Variants in TAF9B observed in about 807,000 individuals in gnomAD.
TAF9B encodes the protein transcription initiation factor TFIID subunit 9B.
In TAF9B, 47 loss-of-function variants were observed where a neutral mutation model predicts 17.6. The ratio of observed to expected loss-of-function variants is 2.68; its 90% CI spans 2.12 to 3.41. The LOEUF (loss-of-function observed/expected upper bound fraction) is 3.41, where lower values mean the gene tolerates loss of function less well. Among genes scored for constraint, TAF9B ranks in the 30% most tolerant of loss-of-function variants. The pLI, the probability that TAF9B is intolerant of heterozygous loss-of-function variation, is 0.00. For missense variants in TAF9B, 218 were observed against 189.3 expected (o/e 1.15, Z -0.89); for synonymous variants, 84 against 68.7 (o/e 1.22, Z -1.10).
intron 5 of TAF9B, among the ~76,000 whole-genome samples, chrX:78,134,918 T>C (rs1603399795): frequency 9.1e-6 from 1 of 109,387 alleles, no homozygotes; most frequent in South Asian, 3.9e-4. Flanking sequence ...TTGAACAGAG[T>C]AAATACTCAG....
rs1603399484 is a variant in TAF9B, at chrX:78,131,898, G to A, written c.593-125C>T. The A allele has an allele frequency of 7.2e-6, 4 of 559,354 alleles. No individual in the cohort carries two copies. In the South Asian group the frequency reaches 1.3e-4, roughly 18 times the overall value. The allele number at this position is 559,354 out of a possible 1,213,427, so 46.1% of individuals were successfully genotyped here. A position where few individuals can be genotyped will look rare whatever the true frequency, so the allele number is the denominator to read the frequency against. ...AATACCAATTTCAATAGCATGAAGTGCAACTATATCATAGAAGAAACATAG... is the reference window on the plus strand; with the variant it reads ...AATACCAATTTCAATAGCATGAAGTACAACTATATCATAGAAGAAACATAG... On this transcript the variant is annotated intron_variant, in intron 6 of 6. Coordinates refer to ENST00000341864, the MANE Select transcript of TAF9B (RefSeq NM_015975.5).
chrX:78,136,253 C>G (rs1384972888), intron 5 of TAF9B, among the ~76,000 whole-genome samples: 1 of 111,628 alleles, frequency 9.0e-6, no homozygotes, highest in Non-Finnish European at 1.9e-5. Context: ...TTTCTAAATA[C>G]CATTCTCCAC....
At chrX:78,136,596 T>A (rs920478744) in intron 5 of TAF9B, among the ~76,000 whole-genome samples, 1 of 112,312 alleles carries the variant, frequency 8.9e-6, no homozygotes, top group South Asian at 3.7e-4. Context: ...CTGCCATAAG[T>A]GTGTGTGGCA....
chrX:78,133,626 C>A (rs928335632), intron 5 of TAF9B, among the ~76,000 whole-genome samples, 178 bp from the exon 6 acceptor site: 1 of 111,812 alleles, frequency 8.9e-6, no homozygotes, highest in African/African-American at 3.3e-5. Flanking sequence ...TTAGATGTTA[C>A]AAAATTCAGT....
intron 1 of TAF9B, 99 bp downstream of exon 1, chrX:78,139,462 G>C (rs1347794630): frequency 8.9e-7 from 1 of 1,127,405 alleles, no homozygotes; most frequent in Admixed American, 2.3e-5. Context: ...AGACTGAAAC[G>C]AGCGTGCGAG....
At chrX:78,133,306 C>T (rs1557249711) in intron 6 of TAF9B, 32 bp downstream of exon 6, 7 of 1,112,765 alleles carry the variant, frequency 6.3e-6, no homozygotes, top group Middle Eastern at 4.9e-4. Flanking sequence ...AAATTATTCA[C>T]AAATTCTGTC....
intron 6 of TAF9B, among the ~76,000 whole-genome samples, chrX:78,132,457 TAAAC>T (rs782263641): frequency 7.1e-5 from 8 of 112,011 alleles, no homozygotes; most frequent in African/African-American, 9.7e-5. Flanking sequence ...TGCAACATAT[TAAAC>T]AAAGGCCTAT....
At chrX:78,134,955 A>AT (rs569869340) in intron 5 of TAF9B, among the ~76,000 whole-genome samples, 24,255 of 95,668 alleles carry the variant, frequency 0.25, 2,880 homozygotes, top group East Asian at 0.35. Flanking sequence ...AATCATTTTA[A>AT]TTTTTTTTTT....
At chrX:78,139,065 G>A (rs1158473705) in intron 1 of TAF9B, 141 bp from the exon 2 acceptor site, 3 of 463,681 alleles carry the variant, frequency 6.5e-6, no homozygotes, top group Non-Finnish European at 7.2e-6. Flanking sequence ...CCTCCCAAGT[G>A]AGTCAGTGAT....
intron 6 of TAF9B, 141 bp from the exon 7 acceptor site, chrX:78,131,914 A>G: frequency 2.0e-6 from 1 of 492,192 alleles, no homozygotes. Context: ...ATATCATAGA[A>G]GAAACATAGG....
Position 78,131,321 on chromosome X carries a change from A to T in TAF9B, c.*289T>A. The T allele has an allele frequency of 5.4e-6, 1 of 184,572 alleles. No homozygotes were observed. The highest frequency in any genetic ancestry group is 1.0e-5 in the Non-Finnish European group (1 of 99,774). The allele number at this position is 184,572 out of a possible 1,213,427, so 15.2% of individuals were successfully genotyped here. On this transcript the variant is annotated 3_prime_UTR_variant, in exon 7 of 7. Transcript: ENST00000341864. ...CTGTAGAATCTGAAACTTAAATGCT[A>T]CTATCAGTGATAGAAGGCAGAAAAG...
At chrX:78,138,972 TC>T (rs2078445513) in intron 1 of TAF9B, 48 bp from the exon 2 acceptor site, 1 of 982,101 alleles carries the variant, frequency 1.0e-6, no homozygotes, top group African/African-American at 1.9e-5. Flanking sequence ...GTACTGGAAA[TC>T]AAGGCTGCAC....
rs782470997 is a variant in TAF9B, at chrX:78,136,976, C to G, written c.420G>C (p.Gly140=). The G allele has an allele frequency of 8.3e-7, 1 of 1,201,048 alleles. No individual in the cohort carries two copies. The highest frequency in any genetic ancestry group is 3.0e-5 in the East Asian group (1 of 33,787). ...KSLIKKGPNQ[G]RLVPRLSVGA... ...CAACACTTAATCGTGGAACTAGTCTCCCTTGGTTAGGTCCCTAGGGGATTT... is the reference window on the plus strand; with the variant it reads ...CAACACTTAATCGTGGAACTAGTCTGCCTTGGTTAGGTCCCTAGGGGATTT... The change falls in exon 5 of 7, where the codon GGG becomes GGC. Residue 140 remains glycine (G), a synonymous_variant. Transcript: ENST00000341864.
At chrX:78,133,571 T>C (rs1254628964) in intron 5 of TAF9B, 123 bp from the exon 6 acceptor site, 1 of 522,750 alleles carries the variant, frequency 1.9e-6, no homozygotes, top group Non-Finnish European at 3.2e-6. Context: ...GAAAAAGTCA[T>C]TAGAAATAAG....
chrX:78,135,529 A>T (rs1390451275), intron 5 of TAF9B, among the ~76,000 whole-genome samples: 7 of 110,301 alleles, frequency 6.3e-5, no homozygotes, highest in Non-Finnish European at 9.5e-5. Context: ...CAGGAGGCAG[A>T]GGTTGCAGTG....
chrX:78,133,893 A>T, intron 5 of TAF9B, among the ~76,000 whole-genome samples: 1 of 111,711 alleles, frequency 9.0e-6, no homozygotes, highest in Middle Eastern at 4.6e-3. Flanking sequence ...TGAAGACATA[A>T]AGATGAGAGT....
At position 78,139,635 on chromosome X, in the gene TAF9B, C is replaced by G. The variant is rs782157642; in HGVS notation, c.-24G>C. On this transcript the variant is annotated 5_prime_UTR_variant, in exon 1 of 7. Coordinates refer to ENST00000341864, the MANE Select transcript of TAF9B (RefSeq NM_015975.5). ...ATGTTATCCAGCCACTCGTCATCCG[C>G]GGAGACAGAGGAGAGAGGAGAGCTC... is the stretch of plus-strand genomic sequence containing the variant. 1 of 1,211,055 alleles carries G rather than the reference C, an allele frequency of 8.3e-7. No individual in the cohort carries two copies. The highest frequency in any genetic ancestry group is 2.2e-5 in the Admixed American group (1 of 46,024).
intron 5 of TAF9B, among the ~76,000 whole-genome samples, chrX:78,134,955 A>C (rs1404343379): frequency 2.1e-5 from 2 of 95,774 alleles, no homozygotes; most frequent in African/African-American, 7.7e-5. Context: ...AATCATTTTA[A>C]TTTTTTTTTT....
chrX:78,136,548 A>T (rs2078435071), intron 5 of TAF9B, among the ~76,000 whole-genome samples: 1 of 112,016 alleles, frequency 8.9e-6, no homozygotes, highest in African/African-American at 3.2e-5. Context: ...TATTCTCATC[A>T]ATGTATTTGG....
Sources: gnomAD v4.1 joint callset for allele counts (sites outside exome capture counted in the v4.1 genomes callset) on GRCh38, gnomAD v4.1.1 for gene constraint, MANE v1.5 for transcripts, NCBI Gene and HGNC (gene_info 2026-07-23, HGNC 2026-07-21) for gene names.